Variants in MYH9 observed in about 807,000 individuals in gnomAD.
The protein encoded by MYH9 is myosin-9.
MYH9 carries 29 observed loss-of-function variants against 241.9 expected under a neutral mutation model. The observed-to-expected ratio is 0.12, with a 90% CI of 0.09 to 0.16. MYH9 has a LOEUF of 0.16. Among genes scored for constraint, MYH9 ranks in the 10% least tolerant of loss-of-function variants. The pLI is 1.00. For synonymous variants in MYH9, 1,047 were observed against 1,062.6 expected, an observed-to-expected ratio of 0.99 and a Z score of 0.29; for missense variants, 1,803 against 2,595.5, an observed-to-expected ratio of 0.69 and a Z score of 6.63.
chr22:36,320,743 G>T lies in MYH9; in HGVS notation c.868+55C>A, dbSNP rs924423940. The T allele has an allele frequency of 3.4e-6, 5 of 1,468,476 alleles. No homozygotes were observed. Among genetic ancestry groups the T allele is most frequent in the Admixed American group, 1.7e-5 (1 of 58,572 alleles). 91.0% of individuals were successfully genotyped at this position (1,468,476 alleles called of 1,614,324 possible). The stretch of plus-strand genomic sequence containing the variant: ...AAATGATGTCTACGGTCCAATTCTG[G>T]CAAGAGGCCCAGAGCCCGGCAGCCC... On this transcript the variant is annotated intron_variant, in intron 8 of 40. Transcript: ENST00000216181. The surrounding 1 kb of genome is among the most constrained non-coding windows in gnomAD (Gnocchi z 4.8).
chr22:36,370,859 G>C (rs1021649063), intron 1 of MYH9, among the ~76,000 whole-genome samples: 1 of 152,118 alleles, frequency 6.6e-6, no homozygotes, highest in Non-Finnish European at 1.5e-5. Context: ...GTGGGCAGTG[G>C]GGGGTGGGAA....
Position 36,305,128 on chromosome 22 carries a change from C to A in MYH9, c.2160-26G>T. ...CTGAGGAAGGAAAGAGAAGCCTGGT[C>A]ATTTTACCCATTGCCTCGATTCCAC... On this transcript the variant is annotated intron_variant, in intron 17 of 40. Transcript: ENST00000216181. This position sits in a 1 kb window ranked among gnomAD's most constrained non-coding sequence, Gnocchi z 4.7. 2 of 1,583,470 alleles carry A rather than the reference C, an allele frequency of 1.3e-6. No homozygotes were observed. Among genetic ancestry groups the A allele is most frequent in the South Asian group, 2.2e-5 (2 of 90,322 alleles).
intron 1 of MYH9, among the ~76,000 whole-genome samples, chr22:36,368,046 T>C (rs2018037390): frequency 6.6e-6 from 1 of 152,054 alleles, no homozygotes; most frequent in Non-Finnish European, 1.5e-5. Flanking sequence ...CCCCAGAGGA[T>C]GCTGGGATAT....
rs908866683 is a variant in MYH9, at chr22:36,313,694, G to A, written c.1554+451C>T. 1.3e-5 allele frequency among the ~76,000 whole-genome samples: 2 copies of A among 152,220 alleles called. 1 individual carries two copies. The highest frequency in any genetic ancestry group is 6.8e-3 in the Middle Eastern group (2 of 294). ...GGGGGGATGAGCTGAGCTTTGGTAC[G>A]TGTACACCTGGGCAGAGCACTCAAT... is the stretch of plus-strand genomic sequence containing the variant. On this transcript the variant is annotated intron_variant, in intron 13 of 40. Transcript: ENST00000216181.
rs368125656 is a variant in MYH9, at chr22:36,285,785, C to T, written c.5151-4G>A. The T allele has an allele frequency of 4.7e-5, 75 of 1,607,036 alleles. No individual in the cohort carries two copies. Among genetic ancestry groups the T allele is most frequent in the African/African-American group, 1.1e-4 (8 of 74,724 alleles). ...CTTCTCCTCTAACGCCAGGGCTCTG[C>T]GGGGTGGGCGGGAGAAGTGAGGGGC... On this transcript the variant is annotated splice_region_variant and splice_polypyrimidine_tract_variant and intron_variant, in intron 36 of 40. Transcript: ENST00000216181. This position sits in a 1 kb window ranked among gnomAD's most constrained non-coding sequence, Gnocchi z 7.0.
chr22:36,385,961 C>T (rs2018345415), intron 1 of MYH9, among the ~76,000 whole-genome samples: 1 of 152,184 alleles, frequency 6.6e-6, no homozygotes, highest in Admixed American at 6.5e-5. Context: ...AGAAGTGGCC[C>T]CTCTCAGCCT....
intron 20 of MYH9, 73 bp downstream of exon 20, chr22:36,302,491 TACAA>T (rs1449717959): frequency 9.2e-6 from 12 of 1,302,900 alleles, no homozygotes; most frequent in African/African-American, 4.3e-5. Context: ...CTACAAAAAA[TACAA>T]ACAATTAGCC....
At chr22:36,331,884 A>G (rs2017426127) in intron 3 of MYH9, among the ~76,000 whole-genome samples, 1 of 152,250 alleles carries the variant, frequency 6.6e-6, no homozygotes, top group Non-Finnish European at 1.5e-5. Flanking sequence ...GTTGGACAAC[A>G]TGCCCACGTT....
At chr22:36,313,649 T>G (rs927723579) in intron 13 of MYH9, among the ~76,000 whole-genome samples, 1 of 118,828 alleles carries the variant, frequency 8.4e-6, no homozygotes, top group Admixed American at 9.4e-5. Flanking sequence ...ATAAAAGCAC[T>G]GCTGCTTGCT....
chr22:36,290,979 C>T (rs1026724507), intron 31 of MYH9, among the ~76,000 whole-genome samples: 3 of 147,668 alleles, frequency 2.0e-5, no homozygotes, highest in Non-Finnish European at 4.5e-5. Context: ...GGTGAGGAGC[C>T]CCTCCGCCCG....
chr22:36,312,930 G>C (rs1002461506), intron 13 of MYH9, among the ~76,000 whole-genome samples: 20 of 150,596 alleles, frequency 1.3e-4, no homozygotes, highest in African/African-American at 4.4e-4. Context: ...CCAACGTGGT[G>C]AAACTCCGTC....
rs1442359956 is a variant in MYH9, at chr22:36,285,740, A to T, written c.5192T>A (p.Ile1731Asn). The change falls in exon 37 of 41, where the codon ATC (isoleucine) becomes AAC (asparagine). Residue 1731 changes from isoleucine (I) to asparagine (N), a missense_variant. Ile to Asn is a moderately radical substitution (Grantham distance 149). Around this residue, in one of 11 missense-constraint regions of MYH9, gnomAD observed 876 missense variants for 1,077.8 expected, o/e 0.81. Transcript: ENST00000216181. The surrounding 1 kb of genome is among the most constrained non-coding windows in gnomAD (Gnocchi z 7.0). Reference protein sequence around the residue: ...LEEKRRLEARIAQLEEELEEE... With the variant: ...LEEKRRLEARNAQLEEELEEE... The stretch of plus-strand genomic sequence containing the variant: ...CTCCAGCTCCTCCTCCAGCTGGGCG[A>T]TGCGGGCCTCCAGACGCCGCTTCTC... 1.9e-6 allele frequency: 3 copies of T among 1,612,422 alleles called. No individual in the cohort carries two copies. Among genetic ancestry groups the T allele is most frequent in the Non-Finnish European group, 2.5e-6 (3 of 1,179,562 alleles).
chr22:36,324,656 G>C (rs1326072664), intron 5 of MYH9, among the ~76,000 whole-genome samples: 2 of 152,278 alleles, frequency 1.3e-5, no homozygotes, highest in Non-Finnish European at 1.5e-5. Context: ...AGGGTGTTCT[G>C]TGCTCCGGCA....
chr22:36,348,412 G>A (rs1026831552), intron 2 of MYH9, among the ~76,000 whole-genome samples: 4 of 150,666 alleles, frequency 2.7e-5, no homozygotes, highest in African/African-American at 9.7e-5. Flanking sequence ...AGGAGGCTCA[G>A]GAAGGAAAAT....
intron 1 of MYH9, among the ~76,000 whole-genome samples, chr22:36,363,252 A>G (rs1395375388): frequency 6.6e-6 from 1 of 152,224 alleles, no homozygotes; most frequent in Non-Finnish European, 1.5e-5. Context: ...CCATGGCTTC[A>G]TTGCCTGTGT....
At chr22:36,345,259 C>A (rs1379024336) in intron 2 of MYH9, among the ~76,000 whole-genome samples, 5 of 150,032 alleles carry the variant, frequency 3.3e-5, no homozygotes, top group Non-Finnish European at 7.4e-5. Context: ...TTGCAGTGAG[C>A]CGAGATCATG....
chr22:36,374,110 C>T (rs1484019110), intron 1 of MYH9, among the ~76,000 whole-genome samples: 2 of 151,706 alleles, frequency 1.3e-5, no homozygotes, highest in Admixed American at 6.6e-5. Flanking sequence ...TGGCTGGGCG[C>T]GGTGGCTCAC....
intron 4 of MYH9, 138 bp downstream of exon 4, chr22:36,327,323 C>T: frequency 1.0e-6 from 1 of 953,756 alleles, no homozygotes; most frequent in Non-Finnish European, 1.7e-6. Context: ...AAGTCCTATC[C>T]CTTGGAGAAG....
chr22:36,361,249 G>C (rs2017931618), intron 1 of MYH9, among the ~76,000 whole-genome samples: 1 of 152,212 alleles, frequency 6.6e-6, no homozygotes, highest in Non-Finnish European at 1.5e-5. Context: ...TCCAACCCAA[G>C]CCTGTGTTGA....
Sources: gnomAD v4.1 joint callset for allele counts (sites outside exome capture counted in the v4.1 genomes callset) on GRCh38, gnomAD v4.1.1 for gene constraint, gnomAD v4.1.1 regional missense constraint, Gnocchi (gnomAD v3.1) non-coding constraint, MANE v1.5 for transcripts, NCBI Gene and HGNC (gene_info 2026-07-23, HGNC 2026-07-21) for gene names.